Variants in ARL10 observed in about 807,000 individuals in gnomAD.
The protein encoded by ARL10 is ADP-ribosylation factor-like protein 10.
In ARL10, 23 loss-of-function variants were observed where a neutral mutation model predicts 26.1. The ratio of observed to expected loss-of-function variants is 0.88; its 90% CI spans 0.63 to 1.25. The LOEUF is 1.25. Among genes scored for constraint, ARL10 ranks in the 50% most tolerant of loss-of-function variants. ARL10 has a pLI of 0.00. For synonymous variants in ARL10, 138 were observed against 149.1 expected (o/e 0.93, Z 0.54); for missense variants, 300 against 323.6 (o/e 0.93, Z 0.56).
At chr5:176,414,617 A>T in the ARL10 span, among the ~76,000 whole-genome samples, 2 of 151,902 alleles carry the variant, frequency 1.3e-5, no homozygotes, top group African/African-American at 4.8e-5. Context: ...TAATTTTTGT[A>T]TGTTTTGTAG....
At chr5:176,398,046 T>C (rs1327717509) in intron 1 of ARL10, 1 of 1,613,572 alleles carries the variant, frequency 6.2e-7, no homozygotes, top group South Asian at 1.1e-5. Flanking sequence ...ACCGTTGGCC[T>C]CCTAGAACAC....
intron 2 of ARL10, among the ~76,000 whole-genome samples, chr5:176,366,788 C>T (rs1768325534): frequency 6.6e-6 from 1 of 152,170 alleles, no homozygotes. Flanking sequence ...TCCAGCTGCA[C>T]CGCCTGCCCC....
intron 1 of ARL10, chr5:176,401,637 A>C (rs193202633): frequency 2.3e-6 from 1 of 435,818 alleles, no homozygotes. Context: ...GTCTATCAGA[A>C]AGGGCAGTGG....
chr5:176,385,276 C>T (rs768904952), downstream of ARL10: 18 of 1,613,394 alleles, frequency 1.1e-5, no homozygotes, highest in African/African-American at 2.7e-5. Context: ...AATGAGGTCC[C>T]GAGACAGAGT....
rs1755521921 is a variant in ARL10, at chr5:176,380,373, T to C, written c.*8478T>C. The C allele has an allele frequency of 6.6e-6, 1 of 152,240 alleles. No homozygotes were observed. Among genetic ancestry groups the C allele is most frequent in the Non-Finnish European group, 1.5e-5 (1 of 68,040 alleles). 9.4% of individuals were successfully genotyped at this position (152,240 alleles called of 1,614,324 possible). On this transcript the variant is annotated 3_prime_UTR_variant, in exon 4 of 4. Transcript: ENST00000310389. ...AATGTGTCCCATAAATAAACAGTTT[T>C]ATTTAAAGTTTCCTCATCGTGGCCA...
At chr5:176,387,855 G>A (rs113523093) in intron 1 of ARL10, among the ~76,000 whole-genome samples, 237 of 152,240 alleles carry the variant, frequency 1.6e-3, no homozygotes, top group Non-Finnish European at 2.4e-3. Context: ...GGGAAGCCTA[G>A]GGAAGCCTCA....
the ARL10 span, among the ~76,000 whole-genome samples, chr5:176,407,844 T>A: frequency 6.6e-6 from 1 of 152,168 alleles, no homozygotes; most frequent in Non-Finnish European, 1.5e-5. Context: ...GATAGTTGAG[T>A]AATTTTCCAG....
chr5:176,385,097 T>C (rs1158750049), downstream of ARL10: 25 of 726,858 alleles, frequency 3.4e-5, no homozygotes, highest in Non-Finnish European at 6.1e-5. Context: ...ATCCATTTCC[T>C]AGAGTCTCTT....
chr5:176,404,661 C>T (rs1251150508), downstream of ARL10, among the ~76,000 whole-genome samples: 8 of 152,234 alleles, frequency 5.3e-5, no homozygotes, highest in Admixed American at 3.9e-4. Context: ...ACATCTCCGC[C>T]ACCTGCCACC....
chr5:176,399,879 A>G (rs1281409295), intron 1 of ARL10, among the ~76,000 whole-genome samples: 1 of 146,764 alleles, frequency 6.8e-6, no homozygotes, highest in Non-Finnish European at 1.5e-5. Flanking sequence ...CTTGGTCTCA[A>G]AAAAAAAAAA....
At chr5:176,399,090 G>A (rs1252543248) in intron 1 of ARL10, among the ~76,000 whole-genome samples, 8 of 152,066 alleles carry the variant, frequency 5.3e-5, no homozygotes, top group East Asian at 3.9e-4. Flanking sequence ...GTGATCCACC[G>A]GCCTCGGCCT....
In ARL10 at chr5:176,369,002, A is replaced by G. The variant is rs1458264979; in HGVS notation, c.561+20A>G. ...AAGCAGGTGAGGGCTGTGAGAGGGC[A>G]GCTCGGTCCAGGTGACATCCACTCA... On this transcript the variant is annotated intron_variant, in intron 3 of 3. Coordinates refer to ENST00000310389, the MANE Select transcript of ARL10 (RefSeq NM_173664.6). 1 of 1,612,764 alleles carries G rather than the reference A, an allele frequency of 6.2e-7. No homozygotes were observed. Among genetic ancestry groups the G allele is most frequent in the East Asian group, 2.2e-5 (1 of 44,852 alleles).
rs1040759836 is a variant in ARL10 at position 176,373,932 on chromosome 5, G to A, written c.*2037G>A. 5 of 152,274 alleles carry A rather than the reference G, an allele frequency of 3.3e-5. No homozygotes were observed. Among genetic ancestry groups the A allele is most frequent in the South Asian group, 2.1e-4 (1 of 4,824 alleles). 9.4% of individuals were successfully genotyped at this position (152,274 alleles called of 1,614,324 possible). Reference sequence around the variant, plus strand: ...CTGTTTTTGAGCAGAAAAAAGATTCGTGAACTGGTTAGTACTTAGCACCAA... The same window carrying A: ...CTGTTTTTGAGCAGAAAAAAGATTCATGAACTGGTTAGTACTTAGCACCAA... On this transcript the variant is annotated 3_prime_UTR_variant, in exon 4 of 4. Transcript: ENST00000310389.
chr5:176,405,200 G>A (rs910250300), downstream of ARL10, among the ~76,000 whole-genome samples: 1 of 152,052 alleles, frequency 6.6e-6, no homozygotes, highest in Non-Finnish European at 1.5e-5. Context: ...TATTAGAAGC[G>A]AGTTTGGGAC....
intron 1 of ARL10, chr5:176,386,946 T>G: frequency 1.3e-6 from 2 of 1,576,972 alleles, no homozygotes; most frequent in Non-Finnish European, 1.7e-6. Context: ...AGAAGGATCT[T>G]TGATGAGGGA....
At chr5:176,399,784 G>T (rs1302965429) in intron 1 of ARL10, among the ~76,000 whole-genome samples, 1 of 151,548 alleles carries the variant, frequency 6.6e-6, no homozygotes, top group Non-Finnish European at 1.5e-5. Context: ...TCTGGGACTT[G>T]GGAGAATCGC....
chr5:176,367,351 G>A (rs1337909317), intron 2 of ARL10, among the ~76,000 whole-genome samples: 1 of 151,948 alleles, frequency 6.6e-6, no homozygotes, highest in Non-Finnish European at 1.5e-5. Context: ...CTGTCGCCCA[G>A]GCTGGAATGG....
At chr5:176,408,076 T>TG in the ARL10 span, among the ~76,000 whole-genome samples, 3 of 152,026 alleles carry the variant, frequency 2.0e-5, no homozygotes, top group South Asian at 6.2e-4. Context: ...GGCATCTGGC[T>TG]GGGGGGCCGA....
At chr5:176,382,147 G>A (rs1254320499), downstream of ARL10, among the ~76,000 whole-genome samples, 2 of 152,230 alleles carry the variant, frequency 1.3e-5, no homozygotes, top group African/African-American at 2.4e-5. Context: ...ACTGGGCAAA[G>A]TGGGTGAACA....
Sources: gnomAD v4.1 joint callset for allele counts (sites outside exome capture counted in the v4.1 genomes callset) on GRCh38, gnomAD v4.1.1 for gene constraint, MANE v1.5 for transcripts, NCBI Gene and HGNC (gene_info 2026-07-23, HGNC 2026-07-21) for gene names.